Variants in ATG2B observed in about 807,000 individuals in gnomAD.
ATG2B encodes autophagy-related protein 2 homolog B.
ATG2B carries 121 observed loss-of-function variants against 241.3 expected under a neutral mutation model. That is an observed-to-expected ratio of 0.50 (90% CI 0.43 to 0.58). The LOEUF is 0.58. Among genes scored for constraint, ATG2B ranks in the 20% least tolerant of loss-of-function variants. ATG2B has a pLI of 0.00. For missense variants in ATG2B, 2,306 were observed against 2,491.6 expected (o/e 0.93, Z 1.59); for synonymous variants, 858 against 876.6 (o/e 0.98, Z 0.37).
In ATG2B at chr14:96,296,543, T is replaced by C. The variant is rs190764698; in HGVS notation, c.5140-983A>G. 4.3e-3 allele frequency among the ~76,000 whole-genome samples: 659 copies of C among 152,042 alleles called. 26 individuals are homozygous for C. In the South Asian group the frequency reaches 0.068, roughly 16 times the overall value. On this transcript the variant is annotated intron_variant, in intron 34 of 41. Coordinates refer to ENST00000359933, the MANE Select transcript of ATG2B (RefSeq NM_018036.7). ...TTGGGAGGCTGAGGCGGGCAGATCA[T>C]GAGGTCAGGAGTTCAAGACCAGCCT...
chr14:96,300,032 C>A (rs533498993), intron 34 of ATG2B, among the ~76,000 whole-genome samples: 109 of 152,240 alleles, frequency 7.2e-4, no homozygotes, highest in African/African-American at 2.6e-3. Context: ...ACCTCATTAA[C>A]GCTTACATAT....
rs1886140334 is a variant in ATG2B, at chr14:96,279,526, G to C, written c.*6229C>G. ...CTGAAGGAAGTCAAACAGGGAAACAGACGTGGATCTACAGTATGCGGGGAG... is the reference window on the plus strand; with the variant it reads ...CTGAAGGAAGTCAAACAGGGAAACACACGTGGATCTACAGTATGCGGGGAG... On this transcript the variant is annotated 3_prime_UTR_variant, in exon 42 of 42. Transcript: ENST00000359933. 1 of 152,276 alleles carries C rather than the reference G, an allele frequency of 6.6e-6. No homozygotes were observed. The highest frequency in any genetic ancestry group is 2.4e-5 in the African/African-American group (1 of 41,450). 9.4% of individuals were successfully genotyped at this position (152,276 alleles called of 1,614,324 possible).
In ATG2B at chr14:96,279,560, A is replaced by T. The variant is rs904843893; in HGVS notation, c.*6195T>A. 1.8e-4 allele frequency: 28 copies of T among 152,208 alleles called. No homozygotes were observed. The highest frequency in any genetic ancestry group is 6.8e-4 in the African/African-American group (28 of 41,466). 9.4% of individuals were successfully genotyped at this position (152,208 alleles called of 1,614,324 possible). On this transcript the variant is annotated 3_prime_UTR_variant, in exon 42 of 42. Coordinates refer to ENST00000359933, the MANE Select transcript of ATG2B (RefSeq NM_018036.7). ...CTACAGTATGCGGGGAGTGCCGCAA[A>T]GTTTAACAAACAAAAAAAAGGAAAG...
intron 1 of ATG2B, 101 bp downstream of exon 1, chr14:96,362,714 C>T (rs539493225): frequency 8.1e-7 from 1 of 1,235,304 alleles, no homozygotes; most frequent in South Asian, 1.5e-5. Context: ...CCAAACAATT[C>T]CCAAGGAGGG....
At chr14:96,297,378 T>C (rs1886673265) in intron 34 of ATG2B, among the ~76,000 whole-genome samples, 1 of 152,122 alleles carries the variant, frequency 6.6e-6, no homozygotes, top group Admixed American at 6.6e-5. Flanking sequence ...AAAGAGATGC[T>C]AATCACCAGC....
Position 96,362,939 on chromosome 14 carries a change from GC to G in ATG2B, c.37del (p.Ala13ProfsTer18). 6.2e-7 allele frequency: 1 copy of G among 1,613,580 alleles called. No individual in the cohort carries two copies. The highest frequency in any genetic ancestry group is 1.1e-5 in the South Asian group (1 of 91,052). ...GTACCTCTGCAGGAGGTACCGGCAG[GC>G]CCTCTTCTTGATGGACTCCGAAAAC... is the stretch of plus-strand genomic sequence containing the variant. ...WPFSESIKKR[A>X]CRYLLQRYLG... On this transcript the variant is annotated frameshift_variant, in exon 1 of 42. Coordinates refer to ENST00000359933, the MANE Select transcript of ATG2B (RefSeq NM_018036.7). LOFTEE classifies it high-confidence loss of function.
intron 34 of ATG2B, among the ~76,000 whole-genome samples, chr14:96,300,844 G>A (rs934204899): frequency 2.6e-5 from 4 of 152,116 alleles, no homozygotes; most frequent in African/African-American, 4.8e-5. Context: ...CTAAGACAGC[G>A]CCTATTTTTT....
chr14:96,306,992 T>C, intron 29 of ATG2B, 76 bp from the exon 30 acceptor site: 1 of 1,259,182 alleles, frequency 7.9e-7, no homozygotes, highest in Non-Finnish European at 1.1e-6. Flanking sequence ...ATGTGTCAGA[T>C]ATATGTTGTG....
At position 96,295,517 on chromosome 14, in the gene ATG2B, G is replaced by A. The variant is rs1886613632; in HGVS notation, c.5183C>T (p.Ala1728Val). 1.2e-6 allele frequency: 2 copies of A among 1,606,648 alleles called. No homozygotes were observed. The highest frequency in any genetic ancestry group is 4.5e-5 in the East Asian group (2 of 44,634). Residue 1728 changes from alanine to valine, a missense_variant, in exon 35 of 42, where the codon GCA becomes GTA. Physicochemically the swap from Ala to Val is moderately conservative, Grantham distance 64. Coordinates refer to ENST00000359933, the MANE Select transcript of ATG2B (RefSeq NM_018036.7). Reference protein sequence around the residue: ...FLKDFFTSLSAEVELQMTPDP... With the variant: ...FLKDFFTSLSVEVELQMTPDP... ...TGGAGTCATTTGAAGCTCTACTTCT[G>A]CAGAAAGACTTGTGAAGAAATCCTT... is the stretch of plus-strand genomic sequence containing the variant.
At position 96,281,017 on chromosome 14, in the gene ATG2B, GGGATA is replaced by G. The variant is rs1418650224; in HGVS notation, c.*4733_*4737del. ...GTGTTTGCTGCAAGTCCTTATTGCA[GGGATA>G]GGATAACTAATAGAGGGACTAAAAT... On this transcript the variant is annotated 3_prime_UTR_variant, in exon 42 of 42. Transcript: ENST00000359933. 4 of 152,196 alleles carry G rather than the reference GGGATA, an allele frequency of 2.6e-5. No individual in the cohort carries two copies. The highest frequency in any genetic ancestry group is 9.7e-5 in the African/African-American group (4 of 41,434). The allele number at this position is 152,196 out of a possible 1,614,324, so 9.4% of individuals were successfully genotyped here.
intron 16 of ATG2B, 84 bp from the exon 17 acceptor site, chr14:96,322,819 C>T: frequency 9.3e-7 from 1 of 1,074,064 alleles, no homozygotes; most frequent in Non-Finnish European, 1.3e-6. Flanking sequence ...AATACACACA[C>T]CACTGGTTAA....
intron 34 of ATG2B, among the ~76,000 whole-genome samples, chr14:96,299,126 C>G (rs1886722766): frequency 6.6e-6 from 1 of 152,132 alleles, no homozygotes; most frequent in South Asian, 2.1e-4. Flanking sequence ...TCCTATAGAG[C>G]CTGGTTGAGC....
intron 36 of ATG2B, among the ~76,000 whole-genome samples, chr14:96,293,951 T>C (rs1886559379): frequency 6.6e-6 from 1 of 152,216 alleles, no homozygotes; most frequent in South Asian, 2.1e-4. Context: ...ATGCATATTA[T>C]CACTTAAGAT....
At position 96,285,513 on chromosome 14, in the gene ATG2B, G is replaced by C. The variant is rs1158047043; in HGVS notation, c.*242C>G. ...ACAAAAGTGAGCCTTCCACTAACTT[G>C]GCAGCAAATGCTTTAAGGACCTTTG... On this transcript the variant is annotated 3_prime_UTR_variant, in exon 42 of 42. Transcript: ENST00000359933. The surrounding 1 kb of genome is among the most constrained non-coding windows in gnomAD (Gnocchi z 4.2). 8 of 521,462 alleles carry C rather than the reference G, an allele frequency of 1.5e-5. No individual in the cohort carries two copies. Among genetic ancestry groups the C allele is most frequent in the African/African-American group, 1.5e-4 (8 of 52,446 alleles). The allele number at this position is 521,462 out of a possible 1,614,324, so 32.3% of individuals were successfully genotyped here. A position where few individuals can be genotyped will look rare whatever the true frequency, so the allele number is the denominator to read the frequency against.
At chr14:96,308,261 T>TATATATATATATAC (rs1566719828) in intron 29 of ATG2B, among the ~76,000 whole-genome samples, 5 of 25,596 alleles carry the variant, frequency 2.0e-4, no homozygotes, top group Non-Finnish European at 4.5e-4. Flanking sequence ...TACACACATA[T>TATATATATATATAC]ATATATATAT....
intron 20 of ATG2B, 110 bp from the exon 21 acceptor site, chr14:96,316,793 C>CTTTGCTGCAGTATGGG: frequency 2.3e-6 from 2 of 855,434 alleles, no homozygotes; most frequent in South Asian, 1.7e-5. Context: ...TCCCATACTG[C>CTTTGCTGCAGTATGGG]AGCAAAGCAG....
In ATG2B at chr14:96,290,841, C is replaced by A. The variant is rs759727057; in HGVS notation, c.5674G>T (p.Gly1892Ter). 6.2e-7 allele frequency: 1 copy of A among 1,613,768 alleles called. No homozygotes were observed. Among genetic ancestry groups the A allele is most frequent in the Non-Finnish European group, 8.5e-7 (1 of 1,179,888 alleles). The change falls in exon 39 of 42, where the codon GGA (glycine) becomes TGA (stop). Residue 1892 changes from glycine to a stop codon, truncating the protein, a stop_gained. Transcript: ENST00000359933. LOFTEE classifies it high-confidence loss of function. This position sits in a 1 kb window ranked among gnomAD's most constrained non-coding sequence, Gnocchi z 4.4. ...AATTGTACTAGTGAATGCATAGGTC[C>A]AACACCTCCCAGGATTCCTGGTAGC... is the stretch of plus-strand genomic sequence containing the variant. ...NQLPGILGGV[G>*]PMHSLVQLVQ...
At chr14:96,348,914 TAA>T (rs1417393545) in intron 1 of ATG2B, among the ~76,000 whole-genome samples, 1 of 151,926 alleles carries the variant, frequency 6.6e-6, no homozygotes, top group African/African-American at 2.4e-5. Context: ...CCACAAAAAT[TAA>T]AAGTTAAAAA....
At chr14:96,338,127 C>T (rs193097627) in intron 6 of ATG2B, among the ~76,000 whole-genome samples, 54 of 152,100 alleles carry the variant, frequency 3.6e-4, no homozygotes, top group African/African-American at 1.2e-3. Context: ...GATTCGTGTA[C>T]GCTGATTTTG....
Sources: gnomAD v4.1 joint callset for allele counts (sites outside exome capture counted in the v4.1 genomes callset) on GRCh38, gnomAD v4.1.1 for gene constraint, Gnocchi (gnomAD v3.1) non-coding constraint, MANE v1.5 for transcripts, NCBI Gene and HGNC (gene_info 2026-07-23, HGNC 2026-07-21) for gene names.